SLC35G3: variants seen among roughly 807,000 people sequenced by gnomAD.
SLC35G3 encodes solute carrier family 35 member G3, also known as acyl-malonyl-condensing enzyme 1.
Under a neutral mutation model 17.9 loss-of-function variants are expected in SLC35G3, and 10 were observed. That is an observed-to-expected ratio of 0.56 (90% CI 0.34 to 0.95). The LOEUF (loss-of-function observed/expected upper bound fraction) is 0.95, where lower values mean the gene tolerates loss of function less well. Ranked by LOEUF, SLC35G3 falls within the 40% of genes least tolerant of loss-of-function variation. The probability of loss-of-function intolerance (pLI) is 0.02; values close to 1 mark genes in which losing one functional copy is unlikely to be tolerated. For synonymous variants in SLC35G3, 208 were observed against 197.7 expected (o/e 1.05, Z -0.44); for missense variants, 384 against 433.6 (o/e 0.89, Z 1.02).
chr17:35,193,033 A>G lies in SLC35G3; in HGVS notation c.*258T>C. ...CGGCCTCCCTGCCTCAGCCCTTTGG[A>G]TCTGCTCCTCAGACTTTACCCCTTA... On this transcript the variant is annotated 3_prime_UTR_variant, in exon 1 of 1. Transcript: ENST00000297307. 1.6e-6 allele frequency: 1 copy of G among 641,320 alleles called. No homozygotes were observed. The highest frequency in any genetic ancestry group is 2.6e-6 in the Non-Finnish European group (1 of 383,370). The allele number at this position is 641,320 out of a possible 1,614,324, so 39.7% of individuals were successfully genotyped here. A position where few individuals can be genotyped will look rare whatever the true frequency, so the allele number is the denominator to read the frequency against.
chr17:35,192,909 T>G lies in SLC35G3; in HGVS notation c.*382A>C. The G allele has an allele frequency of 3.4e-6, 1 of 292,674 alleles. No individual in the cohort carries two copies. The allele number at this position is 292,674 out of a possible 1,614,324, so 18.1% of individuals were successfully genotyped here. A position where few individuals can be genotyped will look rare whatever the true frequency, so the allele number is the denominator to read the frequency against. On this transcript the variant is annotated 3_prime_UTR_variant, in exon 1 of 1. Transcript: ENST00000297307. ...TGAGGGGAGGGGTGGGGAGGCACGC[T>G]TCCCTCCCCCAGCGCAGCTGCTGGC...
In SLC35G3 at chr17:35,194,370, C is replaced by T; in HGVS notation, c.-63G>A. On this transcript the variant is annotated 5_prime_UTR_variant, in exon 1 of 1. An upstream start codon of the reference 5' UTR is lost. Coordinates refer to ENST00000297307, the MANE Select transcript of SLC35G3 (RefSeq NM_152462.2). Reference sequence around the variant, plus strand: ...AGCCTGGGCCCCTCAGAGCTCCAGCCATTGTGACCTCATTGGAGTGGGGGT... The same window carrying T: ...AGCCTGGGCCCCTCAGAGCTCCAGCTATTGTGACCTCATTGGAGTGGGGGT... 1.3e-6 allele frequency: 2 copies of T among 1,543,428 alleles called. No individual in the cohort carries two copies. The highest frequency in any genetic ancestry group is 1.3e-5 in the South Asian group (1 of 77,916).
Position 35,192,780 on chromosome 17 carries a change from CTT to C in SLC35G3, c.*509_*510del, listed in dbSNP as rs76605387. The C allele has an allele frequency of 4.4e-4, 65 of 146,576 alleles. No individual in the cohort carries two copies. Among genetic ancestry groups the C allele is most frequent in the South Asian group, 1.0e-3 (5 of 4,942 alleles). 9.1% of individuals were successfully genotyped at this position (146,576 alleles called of 1,614,324 possible). A position where few individuals can be genotyped will look rare whatever the true frequency, so the allele number is the denominator to read the frequency against. ...GTCATAGAAATGTCTATTCAGGTAT[CTT>C]TTTTTTTTTTTTTCACATTCACTGT... On this transcript the variant is annotated 3_prime_UTR_variant, in exon 1 of 1. Coordinates refer to ENST00000297307, the MANE Select transcript of SLC35G3 (RefSeq NM_152462.2).
In SLC35G3 at chr17:35,193,849, A is replaced by AC. The variant is rs758908716; in HGVS notation, c.458dup (p.Leu154SerfsTer96). The AC allele has an allele frequency of 1.9e-6, 3 of 1,613,842 alleles. No individual in the cohort carries two copies. In the African/African-American group the frequency reaches 4.0e-5, roughly 22 times the overall value. On this transcript the variant is annotated frameshift_variant, in exon 1 of 1. Transcript: ENST00000297307. LOFTEE classifies it high-confidence loss of function. The stretch of plus-strand genomic sequence containing the variant: ...GTCCACACCAGTCGTAGCCACTGAG[A>AC]CCCTGGCTCTCAAGGCAGAGAGTGA...
Position 35,193,471 on chromosome 17 carries a change from A to C in SLC35G3, c.837T>G (p.Pro279=). The change falls in exon 1 of 1, where the codon CCT becomes CCG. Residue 279 remains proline (P), a synonymous_variant. Transcript: ENST00000297307. Reference sequence around the variant, plus strand: ...AATGTAGGACAGCGCACACCAGGGCAGGGTGGGCCTTGGTGACCGCATAGC... The same window carrying C: ...AATGTAGGACAGCGCACACCAGGGCCGGGTGGGCCTTGGTGACCGCATAGC... ...CVGYAVTKAH[P]ALVCAVLHSE... is the part of the protein sequence containing the mutation. The C allele has an allele frequency of 1.9e-6, 3 of 1,612,060 alleles. No individual in the cohort carries two copies. The highest frequency in any genetic ancestry group is 2.5e-6 in the Non-Finnish European group (3 of 1,179,866).
At position 35,193,750 on chromosome 17, in the gene SLC35G3, A is replaced by T. The variant is rs2142633083; in HGVS notation, c.558T>A (p.Gly186=). The T allele has an allele frequency of 6.2e-7, 1 of 1,611,942 alleles. No homozygotes were observed. Among genetic ancestry groups the T allele is most frequent in the East Asian group, 2.2e-5 (1 of 44,822 alleles). The change falls in exon 1 of 1, where the codon GGT becomes GGA. Residue 186 remains glycine (G), a synonymous_variant. Coordinates refer to ENST00000297307, the MANE Select transcript of SLC35G3 (RefSeq NM_152462.2). ...GLWTLQEGTT[G]VYTALGYVEA... is the part of the protein sequence containing the mutation. ...CCACATAGCCCAGGGCGGTGTAGACACCCGTGGTCCCCTCCTGTAGTGTCC... is the reference window on the plus strand; with the variant it reads ...CCACATAGCCCAGGGCGGTGTAGACTCCCGTGGTCCCCTCCTGTAGTGTCC...
chr17:35,193,873 G>A lies in SLC35G3; in HGVS notation c.435C>T (p.Leu145=), dbSNP rs1157766728. The change falls in exon 1 of 1, where the codon CTC becomes CTT. Residue 145 remains leucine, a synonymous_variant. Transcript: ENST00000297307. ...KGSSTVCSAV[L]TLCLESQGLS... ...GACCCTGGCTCTCAAGGCAGAGAGT[G>A]AGGACGGCGGAGCAGACGGTGGAAG... The A allele has an allele frequency of 1.2e-6, 2 of 1,614,032 alleles. No homozygotes were observed. The highest frequency in any genetic ancestry group is 2.7e-5 in the African/African-American group (2 of 75,062).
At position 35,193,793 on chromosome 17, in the gene SLC35G3, A is replaced by G. The variant is rs140815356; in HGVS notation, c.515T>C (p.Ile172Thr). 635 of 1,613,394 alleles carry G rather than the reference A, an allele frequency of 3.9e-4. 3 individuals carry two copies. Among genetic ancestry groups the G allele is most frequent in the Non-Finnish European group, 6.5e-5 (77 of 1,179,846 alleles). The change falls in exon 1 of 1, where the codon ATT becomes ACT. Residue 172 changes from isoleucine to threonine, a missense_variant. Coordinates refer to ENST00000297307, the MANE Select transcript of SLC35G3 (RefSeq NM_152462.2). ...TAGTGTCCAGAGTCCAGGTCCCACA[A>G]TGATGATTAGTCCTAGGATGCAGCC... ...LLGCILGLII[I>T]VGPGLWTLQE...
rs760341106 is a variant in SLC35G3 at position 35,193,463 on chromosome 17, A to G, written c.845T>C (p.Val282Ala). Residue 282 changes from valine (V) to alanine (A), a missense_variant, in exon 1 of 1, where the codon GTG (valine) becomes GCG (alanine). By Grantham distance (64) the Val-to-Ala change is moderately conservative (BLOSUM62 0). Coordinates refer to ENST00000297307, the MANE Select transcript of SLC35G3 (RefSeq NM_152462.2). ...CACCTCGGAATGTAGGACAGCGCAC[A>G]CCAGGGCAGGGTGGGCCTTGGTGAC... ...YAVTKAHPAL[V>A]CAVLHSEVVV... The G allele has an allele frequency of 5.6e-6, 9 of 1,612,004 alleles. No homozygotes were observed. The East Asian group carries it at 2.0e-4, about 36-fold the overall frequency.
Position 35,193,673 on chromosome 17 carries a change from G to C in SLC35G3, c.635C>G (p.Ser212Cys). 1 of 1,612,046 alleles carries C rather than the reference G, an allele frequency of 6.2e-7. No individual in the cohort carries two copies. Among genetic ancestry groups the C allele is most frequent in the Non-Finnish European group, 8.5e-7 (1 of 1,179,862 alleles). Residue 212 changes from serine to cysteine, a missense_variant, in exon 1 of 1, where the codon TCT (serine) becomes TGT (cysteine). Transcript: ENST00000297307. Reference sequence around the variant, plus strand: ...TGGGAGGCAGGGGGGAAAGTGCAGAGAACGATAGACCAGAAGCCTCAGGGA... The same window carrying C: ...TGGGAGGCAGGGGGGAAAGTGCAGACAACGATAGACCAGAAGCCTCAGGGA... ...ALSLRLLVYRSLHFPPCLPTV... is the reference protein window; with the variant it reads ...ALSLRLLVYRCLHFPPCLPTV...
rs575561786 is a variant in SLC35G3 at position 35,192,670 on chromosome 17, A to G, written c.*621T>C. On this transcript the variant is annotated 3_prime_UTR_variant, in exon 1 of 1. Transcript: ENST00000297307. Reference sequence around the variant, plus strand: ...TGAGGAAAATCACTCTTTTATATCCAATGACTTTACAAAAAATCATTTACA... The same window carrying G: ...TGAGGAAAATCACTCTTTTATATCCGATGACTTTACAAAAAATCATTTACA... 4.5e-4 allele frequency: 73 copies of G among 162,676 alleles called. 2 individuals are homozygous for G. The South Asian group carries it at 0.011, about 25-fold the overall frequency. 10.1% of individuals were successfully genotyped at this position (162,676 alleles called of 1,614,324 possible). A position where few individuals can be genotyped will look rare whatever the true frequency, so the allele number is the denominator to read the frequency against.
Position 35,193,622 on chromosome 17 carries a change from A to T in SLC35G3, c.686T>A (p.Val229Glu), listed in dbSNP as rs750694598. 1.2e-6 allele frequency: 2 copies of T among 1,611,938 alleles called. No individual in the cohort carries two copies. The highest frequency in any genetic ancestry group is 1.7e-6 in the Non-Finnish European group (2 of 1,179,862). The change falls in exon 1 of 1, where the codon GTG becomes GAG. Residue 229 changes from valine (V) to glutamate (E), a missense_variant. By Grantham distance (121) the Val-to-Glu change is moderately radical. Transcript: ENST00000297307. ...LPTVAFLSGL[V>E]GLLGSVPGLF... Reference sequence around the variant, plus strand: ...GCCTGGCACAGAGCCCAGCAGCCCCACCAAGCCAGATAGGAAGGCCACTGT... The same window carrying T: ...GCCTGGCACAGAGCCCAGCAGCCCCTCCAAGCCAGATAGGAAGGCCACTGT...
Position 35,193,222 on chromosome 17 carries a change from A to G in SLC35G3, c.*69T>C. The G allele has an allele frequency of 1.2e-6, 2 of 1,604,126 alleles. No individual in the cohort carries two copies. Among genetic ancestry groups the G allele is most frequent in the Non-Finnish European group, 1.7e-6 (2 of 1,176,010 alleles). On this transcript the variant is annotated 3_prime_UTR_variant, in exon 1 of 1. Coordinates refer to ENST00000297307, the MANE Select transcript of SLC35G3 (RefSeq NM_152462.2). ...TTCTTTTCCAGTCACTTCTCCTCCC[A>G]TGTTTGTCTTCAGTCTTTGCCTTTA... is the stretch of plus-strand genomic sequence containing the variant.
chr17:35,193,482 T>C lies in SLC35G3; in HGVS notation c.826A>G (p.Lys276Glu). The C allele has an allele frequency of 6.2e-7, 1 of 1,611,994 alleles. No homozygotes were observed. Among genetic ancestry groups the C allele is most frequent in the Non-Finnish European group, 8.5e-7 (1 of 1,179,844 alleles). ...GCGCACACCAGGGCAGGGTGGGCCTTGGTGACCGCATAGCCCACACATGTG... is the reference window on the plus strand; with the variant it reads ...GCGCACACCAGGGCAGGGTGGGCCTCGGTGACCGCATAGCCCACACATGTG... ...SFTCVGYAVT[K>E]AHPALVCAVL... Residue 276 changes from lysine to glutamate, a missense_variant, in exon 1 of 1, where the codon AAG becomes GAG. Physicochemically the swap from Lys to Glu is moderately conservative, Grantham distance 56 (BLOSUM62 1). Coordinates refer to ENST00000297307, the MANE Select transcript of SLC35G3 (RefSeq NM_152462.2).
Position 35,193,373 on chromosome 17 carries a change from G to GC in SLC35G3, c.934dup (p.Ala312GlyfsTer20), listed in dbSNP as rs1567776037. 1 of 1,611,930 alleles carries GC rather than the reference G, an allele frequency of 6.2e-7. No individual in the cohort carries two copies. The highest frequency in any genetic ancestry group is 8.5e-7 in the Non-Finnish European group (1 of 1,179,856). ...AATGCTGCCCAGCACAACCCCTGCCGCCACGATGTCAGAAGGTGCCACAGT... is the reference window on the plus strand; with the variant it reads ...AATGCTGCCCAGCACAACCCCTGCCGCCCACGATGTCAGAAGGTGCCACAGT... On this transcript the variant is annotated frameshift_variant, in exon 1 of 1. Transcript: ENST00000297307. LOFTEE classifies it high-confidence loss of function.
rs1363378468 is a variant in SLC35G3 at position 35,194,339 on chromosome 17, T to C, written c.-32A>G. 2.5e-6 allele frequency: 4 copies of C among 1,582,752 alleles called. No homozygotes were observed. The Admixed American group carries it at 5.4e-5, about 21-fold the overall frequency. ...TTGGACTTTCTCCTCTCCTCCTGGC[T>C]CAGGGAGCCTGGGCCCCTCAGAGCT... is the stretch of plus-strand genomic sequence containing the variant. On this transcript the variant is annotated 5_prime_UTR_variant, in exon 1 of 1. Transcript: ENST00000297307.
Position 35,194,216 on chromosome 17 carries a change from C to A in SLC35G3, c.92G>T (p.Cys31Phe). Residue 31 changes from cysteine to phenylalanine, a missense_variant, in exon 1 of 1, where the codon TGC becomes TTC. Physicochemically the swap from Cys to Phe is radical, Grantham distance 205. Coordinates refer to ENST00000297307, the MANE Select transcript of SLC35G3 (RefSeq NM_152462.2). Reference sequence around the variant, plus strand: ...GCCACTGGTGGCATCAGAGGGCTGGCAGCGCTGGTACCAGCGGAGGCTGGG... The same window carrying A: ...GCCACTGGTGGCATCAGAGGGCTGGAAGCGCTGGTACCAGCGGAGGCTGGG... ...APPSLRWYQR[C>F]QPSDATSGLL... 6.2e-7 allele frequency: 1 copy of A among 1,613,816 alleles called. No homozygotes were observed. The highest frequency in any genetic ancestry group is 8.5e-7 in the Non-Finnish European group (1 of 1,179,990).
Position 35,193,016 on chromosome 17 carries a change from C to G in SLC35G3, c.*275G>C, listed in dbSNP as rs1446573852. On this transcript the variant is annotated 3_prime_UTR_variant, in exon 1 of 1. Transcript: ENST00000297307. ...GTCCTCCCCATGGCCCACGGCCTCCCTGCCTCAGCCCTTTGGATCTGCTCC... is the reference window on the plus strand; with the variant it reads ...GTCCTCCCCATGGCCCACGGCCTCCGTGCCTCAGCCCTTTGGATCTGCTCC... The G allele has an allele frequency of 3.4e-6, 2 of 588,036 alleles. No individual in the cohort carries two copies. Among genetic ancestry groups the G allele is most frequent in the Non-Finnish European group, 5.9e-6 (2 of 339,950 alleles). The allele number at this position is 588,036 out of a possible 1,614,324, so 36.4% of individuals were successfully genotyped here. A position where few individuals can be genotyped will look rare whatever the true frequency, so the allele number is the denominator to read the frequency against.
chr17:35,192,525 A>G lies in SLC35G3; in HGVS notation c.*766T>C, dbSNP rs2092330879. On this transcript the variant is annotated 3_prime_UTR_variant, in exon 1 of 1. Transcript: ENST00000297307. ...CCTTTTTTTTTTCTTTTCCTACTTC[A>G]ATAAGCTGGTCTACATTCTTACTCT... 1 of 150,444 alleles carries G rather than the reference A, an allele frequency of 6.6e-6. No homozygotes were observed. The highest frequency in any genetic ancestry group is 6.7e-5 in the Admixed American group (1 of 14,994). The allele number at this position is 150,444 out of a possible 1,614,324, so 9.3% of individuals were successfully genotyped here. A position where few individuals can be genotyped will look rare whatever the true frequency, so the allele number is the denominator to read the frequency against.
Sources: allele counts gnomAD v4.1 joint callset, GRCh38; gene constraint gnomAD v4.1.1; transcripts MANE v1.5; gene names NCBI Gene and HGNC (gene_info 2026-07-23, HGNC 2026-07-21).